The following PPM1L variants were observed in gnomAD, a reference collection of about 807,000 sequenced individuals.
The protein encoded by PPM1L is protein phosphatase 1L.
In PPM1L, 13 loss-of-function variants were observed where a neutral mutation model predicts 31.4. The ratio of observed to expected loss-of-function variants is 0.41; its 90% CI spans 0.27 to 0.66. The LOEUF is 0.66. Ranked by LOEUF, PPM1L falls within the 30% of genes least tolerant of loss-of-function variation. The pLI is 0.29. For synonymous variants in PPM1L, 184 were observed against 175.4 expected, an observed-to-expected ratio of 1.05 and a Z score of -0.39; for missense variants, 326 against 453.7, an observed-to-expected ratio of 0.72 and a Z score of 2.56.
At chr3:160,842,411 G>C (rs1369905151) in intron 1 of PPM1L, 2 of 669,662 alleles carry the variant, frequency 3.0e-6, no homozygotes, top group African/African-American at 1.8e-5. Flanking sequence ...TGCCAGGCAA[G>C]GGAATTTGGA....
At chr3:160,868,584 C>T (rs1050251344) in intron 1 of PPM1L, among the ~76,000 whole-genome samples, 1 of 152,070 alleles carries the variant, frequency 6.6e-6, no homozygotes, top group Non-Finnish European at 1.5e-5. Context: ...AGTTTGGGGG[C>T]TATTGTTTCA....
chr3:160,758,655 A>G (rs576162361), intron 1 of PPM1L, among the ~76,000 whole-genome samples: 2 of 152,322 alleles, frequency 1.3e-5, no homozygotes, highest in Non-Finnish European at 2.9e-5. Context: ...GTTGCAGACC[A>G]AAACACTTTT....
At chr3:160,956,458 A>G (rs1715778935) in intron 1 of PPM1L, among the ~76,000 whole-genome samples, 1 of 152,234 alleles carries the variant, frequency 6.6e-6, no homozygotes, top group African/African-American at 2.4e-5. Flanking sequence ...CTGAAAGTCC[A>G]GGTGTAATTA....
chr3:160,885,297 A>G (rs889310392), intron 1 of PPM1L, among the ~76,000 whole-genome samples: 1 of 152,220 alleles, frequency 6.6e-6, no homozygotes, highest in Admixed American at 6.5e-5. Flanking sequence ...ATGTAAGCAA[A>G]GGCAAAGGTT....
At position 160,756,551 on chromosome 3, in the gene PPM1L, G is replaced by A; in HGVS notation, c.243G>A (p.Glu81=). The A allele has an allele frequency of 6.2e-7, 1 of 1,614,166 alleles. No homozygotes were observed. The highest frequency in any genetic ancestry group is 1.1e-5 in the South Asian group (1 of 91,074). The change falls in exon 1 of 4, where the codon GAG becomes GAA. Residue 81 remains glutamate (E), a synonymous_variant. Coordinates refer to ENST00000498165, the MANE Select transcript of PPM1L (RefSeq NM_139245.4). The surrounding 1 kb of genome is among the most constrained non-coding windows in gnomAD (Gnocchi z 6.2). ...RLGGLDVLEA[E]FSKTWEFKNH... is the part of the protein sequence containing the mutation. ...GGGGGCTTGATGTGCTCGAGGCCGA[G>A]TTTTCCAAGACCTGGGAGTTCAAGA...
At chr3:161,038,613 G>T (rs1320144287) in intron 2 of PPM1L, among the ~76,000 whole-genome samples, 1 of 77,216 alleles carries the variant, frequency 1.3e-5, no homozygotes, top group Admixed American at 1.3e-4. Context: ...AAAAAAAAAA[G>T]CAAAATTGAC....
At chr3:160,785,624 G>A (rs1711886167) in intron 1 of PPM1L, among the ~76,000 whole-genome samples, 2 of 152,102 alleles carry the variant, frequency 1.3e-5, no homozygotes, top group Non-Finnish European at 2.9e-5. Flanking sequence ...AGCATGTTAT[G>A]TAAACTCTTC....
At position 160,756,476 on chromosome 3, in the gene PPM1L, G is replaced by A; in HGVS notation, c.168G>A (p.Val56=). The change falls in exon 1 of 4, where the codon GTG becomes GTA. Residue 56 remains valine, a synonymous_variant. Transcript: ENST00000498165. This position sits in a 1 kb window ranked among gnomAD's most constrained non-coding sequence, Gnocchi z 6.2. ...KTIVKSSRDA[V]KMVKGKVAEI... is the part of the protein sequence containing the mutation. ...TCGTGAAGTCCAGCCGGGACGCCGT[G>A]AAGATGGTGAAGGGCAAGGTAGCCG... 6.2e-7 allele frequency: 1 copy of A among 1,614,206 alleles called. No individual in the cohort carries two copies. Among genetic ancestry groups the A allele is most frequent in the South Asian group, 1.1e-5 (1 of 91,080 alleles).
chr3:160,869,536 A>G (rs1712224439), intron 1 of PPM1L, among the ~76,000 whole-genome samples: 1 of 152,078 alleles, frequency 6.6e-6, no homozygotes, highest in Admixed American at 6.5e-5. Flanking sequence ...AACAGTATAT[A>G]TGGTATTTTT....
intron 1 of PPM1L, among the ~76,000 whole-genome samples, chr3:160,898,206 A>G (rs976655886): frequency 1.3e-5 from 2 of 152,230 alleles, no homozygotes; most frequent in Non-Finnish European, 2.9e-5. Context: ...TGGATGACAT[A>G]TTAAATGAAG....
At chr3:160,825,792 C>CTCT (rs1179838778) in intron 1 of PPM1L, among the ~76,000 whole-genome samples, 4 of 152,086 alleles carry the variant, frequency 2.6e-5, no homozygotes, top group Admixed American at 1.3e-4. Context: ...TGCACAAAGG[C>CTCT]TCTTAGCTCC....
rs575178412 is a variant in PPM1L, at chr3:161,048,643, C to T, written c.575-16760C>T. Among the ~76,000 whole-genome samples, 39 of 152,084 alleles carry T rather than the reference C, an allele frequency of 2.6e-4. 1 individual carries two copies. The highest frequency in any genetic ancestry group is 7.2e-4 in the Admixed American group (11 of 15,262). ...GACACATGCACACGTATGTTTATTG[C>T]GGCATTATTCACAATAGCAAAGACT... On this transcript the variant is annotated intron_variant, in intron 2 of 3. Transcript: ENST00000498165.
At chr3:160,760,580 A>C (rs1241022772) in intron 1 of PPM1L, among the ~76,000 whole-genome samples, 2 of 152,178 alleles carry the variant, frequency 1.3e-5, no homozygotes, top group African/African-American at 4.8e-5. Flanking sequence ...AGATTAAAAC[A>C]ACAAAAAGGT....
At chr3:161,016,171 C>G (rs1273790970) in intron 2 of PPM1L, among the ~76,000 whole-genome samples, 1 of 152,176 alleles carries the variant, frequency 6.6e-6, no homozygotes, top group Non-Finnish European at 1.5e-5. Flanking sequence ...TTTGCTGATA[C>G]TGCCGTTCTT....
In PPM1L at chr3:160,916,623, A is replaced by G. The variant is rs1253988003; in HGVS notation, c.400-45113A>G. Among the ~76,000 whole-genome samples, 7 of 152,256 alleles carry G rather than the reference A, an allele frequency of 4.6e-5. No homozygotes were observed. In the East Asian group the frequency reaches 1.2e-3, roughly 25 times the overall value. ...ATCTCTTCTTCCAGTACACTCTGCA[A>G]TCTACTTAAAAAAAATTTTTTTTAA... On this transcript the variant is annotated intron_variant, in intron 1 of 3. Coordinates refer to ENST00000498165, the MANE Select transcript of PPM1L (RefSeq NM_139245.4).
chr3:160,760,151 T>C (rs953959121), intron 1 of PPM1L, among the ~76,000 whole-genome samples: 2 of 152,366 alleles, frequency 1.3e-5, no homozygotes, highest in Admixed American at 1.3e-4. Flanking sequence ...TAACTTTCAG[T>C]GGACTCCTGA....
chr3:160,922,848 A>C lies in PPM1L; in HGVS notation c.400-38888A>C, dbSNP rs182450097. On this transcript the variant is annotated intron_variant, in intron 1 of 3. Transcript: ENST00000498165. ...AGGCAAAAGAATATAATCATAGTTAACACAGACATGGGTTCTCTTCTCATA... is the reference window on the plus strand; with the variant it reads ...AGGCAAAAGAATATAATCATAGTTACCACAGACATGGGTTCTCTTCTCATA... 2.6e-5 allele frequency among the ~76,000 whole-genome samples: 4 copies of C among 152,368 alleles called. No individual in the cohort carries two copies. The East Asian group carries it at 7.7e-4, about 29-fold the overall frequency.
intron 1 of PPM1L, among the ~76,000 whole-genome samples, chr3:160,869,835 G>C (rs997851779): frequency 5.9e-5 from 9 of 152,066 alleles, no homozygotes; most frequent in African/African-American, 2.2e-4. Context: ...GTTCTCTCCA[G>C]CTAAGAAAAC....
At chr3:160,875,451 A>G (rs1447593004) in intron 1 of PPM1L, among the ~76,000 whole-genome samples, 2 of 152,230 alleles carry the variant, frequency 1.3e-5, no homozygotes, top group African/African-American at 4.8e-5. Flanking sequence ...CCCTGTGCAA[A>G]TAAGTCTCTA....
Sources: gnomAD v4.1 joint callset for allele counts (sites outside exome capture counted in the v4.1 genomes callset) on GRCh38, gnomAD v4.1.1 for gene constraint, Gnocchi (gnomAD v3.1) non-coding constraint, MANE v1.5 for transcripts, NCBI Gene and HGNC (gene_info 2026-07-23, HGNC 2026-07-21) for gene names.